GRID2: variants seen among roughly 807,000 people sequenced by gnomAD.
GRID2 encodes the protein glutamate receptor ionotropic, delta-2.
Under a neutral mutation model 114.8 loss-of-function variants are expected in GRID2, and 33 were observed. The ratio of observed to expected loss-of-function variants is 0.29; its 90% CI spans 0.22 to 0.38. GRID2 has a LOEUF of 0.38. Among genes scored for constraint, GRID2 ranks in the 10% least tolerant of loss-of-function variants. The pLI, the probability that GRID2 is intolerant of heterozygous loss-of-function variation, is 1.00. For missense variants in GRID2, 1,184 were observed against 1,257.7 expected (o/e 0.94, Z 0.89); for synonymous variants, 505 against 449.9 (o/e 1.12, Z -1.55).
intron 7 of GRID2, among the ~76,000 whole-genome samples, chr4:93,225,633 TAA>T (rs958976050): frequency 6.6e-6 from 1 of 152,166 alleles, no homozygotes; most frequent in African/African-American, 2.4e-5. Flanking sequence ...AATTGAAATA[TAA>T]ATGCCCTTAA....
chr4:92,642,322 ATAG>A (rs1320273718), intron 2 of GRID2, among the ~76,000 whole-genome samples: 3 of 151,846 alleles, frequency 2.0e-5, no homozygotes, highest in Non-Finnish European at 2.9e-5. Flanking sequence ...AGTTTACTTA[ATAG>A]TAGCCATTCT....
intron 11 of GRID2, among the ~76,000 whole-genome samples, chr4:93,464,933 A>G (rs1724126955): frequency 6.6e-6 from 1 of 152,208 alleles, no homozygotes; most frequent in African/African-American, 2.4e-5. Flanking sequence ...CTACTTTAGC[A>G]TGTCCTAAAA....
chr4:92,955,179 A>G (rs1752308961), intron 2 of GRID2, among the ~76,000 whole-genome samples: 1 of 130,190 alleles, frequency 7.7e-6, no homozygotes, highest in Non-Finnish European at 1.6e-5. Context: ...TAGATCCCTG[A>G]GGAATCGCCA....
chr4:92,443,721 T>A (rs542827935), intron 1 of GRID2, among the ~76,000 whole-genome samples: 1 of 151,656 alleles, frequency 6.6e-6, no homozygotes, highest in African/African-American at 2.4e-5. Flanking sequence ...AGAGAAGGGG[T>A]TGGGGTACTT....
At chr4:93,774,788 A>ATACATTTG (rs1184317728), downstream of GRID2, among the ~76,000 whole-genome samples, 155 of 152,194 alleles carry the variant, frequency 1.0e-3, no homozygotes, top group African/African-American at 3.5e-3. Flanking sequence ...TGAACCAACA[A>ATACATTTG]TACATTTGTT....
intron 1 of GRID2, among the ~76,000 whole-genome samples, chr4:92,306,130 A>G (rs144743567): frequency 2.0e-4 from 30 of 152,348 alleles, no homozygotes; most frequent in African/African-American, 6.3e-4. Context: ...GTGCGCGCCC[A>G]CAGTGGCCAG....
intron 1 of GRID2, among the ~76,000 whole-genome samples, chr4:93,783,673 C>A (rs1467445814): frequency 6.6e-6 from 1 of 152,140 alleles, no homozygotes; most frequent in Non-Finnish European, 1.5e-5. Context: ...ACCAGCACAC[C>A]CACTCATGTC....
At chr4:92,322,754 G>C (rs1306771185) in intron 1 of GRID2, among the ~76,000 whole-genome samples, 2 of 151,898 alleles carry the variant, frequency 1.3e-5, no homozygotes, top group Non-Finnish European at 2.9e-5. Flanking sequence ...TTAGCAGCAG[G>C]TTATTCTTTC....
chr4:93,691,798 G>T lies in GRID2; in HGVS notation c.2360+65363G>T, dbSNP rs564407993. 6.6e-5 allele frequency among the ~76,000 whole-genome samples: 10 copies of T among 151,876 alleles called. No homozygotes were observed. The East Asian group carries it at 7.7e-4, about 12-fold the overall frequency. Reference sequence around the variant, plus strand: ...CTATTTTATTTCCATCTGCACATAAGAATTTACATATATATAGATATTTTC... The same window carrying T: ...CTATTTTATTTCCATCTGCACATAATAATTTACATATATATAGATATTTTC... On this transcript the variant is annotated intron_variant, in intron 14 of 15. Transcript: ENST00000282020.
intron 4 of GRID2, among the ~76,000 whole-genome samples, chr4:93,136,354 T>C (rs959636931): frequency 6.6e-6 from 1 of 151,988 alleles, no homozygotes; most frequent in Non-Finnish European, 1.5e-5. Context: ...CAGTGGACTT[T>C]CTAGTAGTGA....
chr4:93,363,680 A>C (rs1762081773), intron 8 of GRID2, among the ~76,000 whole-genome samples: 1 of 152,050 alleles, frequency 6.6e-6, no homozygotes, highest in Admixed American at 6.6e-5. Context: ...AATCTGTTTA[A>C]GTTGATTTAA....
At chr4:93,337,584 TC>T (rs1165779027) in intron 8 of GRID2, among the ~76,000 whole-genome samples, 3 of 152,168 alleles carry the variant, frequency 2.0e-5, no homozygotes, top group African/African-American at 7.2e-5. Context: ...GCAAACCTGT[TC>T]TTTGCTTTGA....
At chr4:92,794,905 T>TATATATATATATATATATATATAC (rs745392261) in intron 2 of GRID2, among the ~76,000 whole-genome samples, 16 of 127,794 alleles carry the variant, frequency 1.3e-4, no homozygotes, top group African/African-American at 4.0e-4. Context: ...TATATATATA[T>TATATATATATATATATATATATAC]ACACACACAC....
At chr4:93,516,353 AC>A (rs1391659494) in intron 13 of GRID2, among the ~76,000 whole-genome samples, 2 of 152,102 alleles carry the variant, frequency 1.3e-5, no homozygotes, top group African/African-American at 4.8e-5. Context: ...TTCATCTGGC[AC>A]CCTTTATCTG....
intron 15 of GRID2, 108 bp downstream of exon 15, chr4:93,769,558 C>T (rs1157894365): frequency 6.3e-5 from 64 of 1,011,476 alleles, no homozygotes; most frequent in Middle Eastern, 3.0e-4. Flanking sequence ...CTTGTTTTTT[C>T]GTTTCTTGAA....
intron 14 of GRID2, among the ~76,000 whole-genome samples, chr4:93,651,435 A>G (rs747388652): frequency 3.2e-4 from 49 of 152,298 alleles, no homozygotes; most frequent in Non-Finnish European, 4.7e-4. Flanking sequence ...AGGCTTCACA[A>G]TGAAACACCT....
chr4:93,580,560 G>T (rs982766812), intron 13 of GRID2, among the ~76,000 whole-genome samples: 1 of 152,150 alleles, frequency 6.6e-6, no homozygotes, highest in Non-Finnish European at 1.5e-5. Context: ...TAACTGTTTT[G>T]TTGCACCAGG....
chr4:93,138,402 G>A (rs1003219686), intron 4 of GRID2, among the ~76,000 whole-genome samples: 1 of 152,054 alleles, frequency 6.6e-6, no homozygotes, highest in Non-Finnish European at 1.5e-5. Context: ...TATTACTTAT[G>A]TTTACTACTT....
chr4:93,022,912 C>T (rs1369307801), intron 2 of GRID2, among the ~76,000 whole-genome samples: 1 of 151,750 alleles, frequency 6.6e-6, no homozygotes, highest in Admixed American at 6.6e-5. Context: ...TTTTTCAATT[C>T]AGAATTTAAC....
Sources: gnomAD v4.1 joint callset for allele counts (sites outside exome capture counted in the v4.1 genomes callset) on GRCh38, gnomAD v4.1.1 for gene constraint, MANE v1.5 for transcripts, NCBI Gene and HGNC (gene_info 2026-07-23, HGNC 2026-07-21) for gene names.